TRIM33: variants seen among roughly 807,000 people sequenced by gnomAD.
The protein encoded by TRIM33 is tripartite motif containing 33.
In TRIM33, 20 loss-of-function variants were observed where a neutral mutation model predicts 125.4. The ratio of observed to expected loss-of-function variants is 0.16; its 90% confidence interval spans 0.11 to 0.23. The LOEUF (loss-of-function observed/expected upper bound fraction) is 0.23. Ranked by LOEUF, TRIM33 falls within the 10% of genes least tolerant of loss-of-function variation. The pLI, the probability that TRIM33 is intolerant of heterozygous loss-of-function variation, is 1.00. For missense variants in TRIM33, 920 were observed against 1,411.4 expected, an observed-to-expected ratio of 0.65 and a Z score of 5.58; for synonymous variants, 564 against 513.9, an observed-to-expected ratio of 1.10 and a Z score of -1.32.
chr1:114,420,330 C>T (rs1279123630), intron 11 of TRIM33: 30 of 1,110,268 alleles, frequency 2.7e-5, no homozygotes, highest in Non-Finnish European at 3.5e-5. Context: ...CTTTTCTCAG[C>T]CCAACTGACT....
chr1:114,464,072 A>C (rs1185685195), intron 2 of TRIM33, among the ~76,000 whole-genome samples, 198 bp downstream of exon 2: 1 of 152,120 alleles, frequency 6.6e-6, no homozygotes, highest in Non-Finnish European at 1.5e-5. Flanking sequence ...CCTGGCCCAA[A>C]TTTGACATTT....
chr1:114,450,110 G>A (rs1649222051), intron 4 of TRIM33, among the ~76,000 whole-genome samples: 1 of 152,086 alleles, frequency 6.6e-6, no homozygotes, highest in Admixed American at 6.5e-5. Flanking sequence ...TCTAGATCAA[G>A]GCTGGGCATG....
At chr1:114,497,893 T>C (rs1036321158) in intron 1 of TRIM33, among the ~76,000 whole-genome samples, 14 of 145,974 alleles carry the variant, frequency 9.6e-5, no homozygotes, top group African/African-American at 2.5e-4. Context: ...AAAAAAAAAG[T>C]AAAACAGATA....
At chr1:114,497,081 A>T (rs1041342849) in intron 1 of TRIM33, among the ~76,000 whole-genome samples, 1 of 152,196 alleles carries the variant, frequency 6.6e-6, no homozygotes, top group Non-Finnish European at 1.5e-5. Context: ...ATTTTGGACA[A>T]TTTTTTAAAT....
At chr1:114,484,661 G>T (rs1335166642) in intron 1 of TRIM33, among the ~76,000 whole-genome samples, 2 of 152,246 alleles carry the variant, frequency 1.3e-5, no homozygotes, top group African/African-American at 4.8e-5. Context: ...TCAGGAGTTC[G>T]AAACCAGCCT....
In TRIM33 at chr1:114,402,899, G is replaced by C. The variant is rs937807679; in HGVS notation, c.2769-16C>G. On this transcript the variant is annotated splice_polypyrimidine_tract_variant and intron_variant, in intron 15 of 19. Coordinates refer to ENST00000358465, the MANE Select transcript of TRIM33 (RefSeq NM_015906.4). ...CCAGTCCCCACTAGACAGGGAAATA[G>C]GCAATTAGTCCACGTAATTATAAGA... The C allele has an allele frequency of 1.9e-6, 3 of 1,605,074 alleles. No homozygotes were observed. In the Admixed American group the frequency reaches 5.2e-5, roughly 28 times the overall value.
In TRIM33 at chr1:114,395,066, A is replaced by G. The variant is rs912854196; in HGVS notation, c.*2582T>C. 1 of 191,612 alleles carries G rather than the reference A, an allele frequency of 5.2e-6. No individual in the cohort carries two copies. The highest frequency in any genetic ancestry group is 2.3e-5 in the African/African-American group (1 of 43,148). The allele number at this position is 191,612 out of a possible 1,614,324, so 11.9% of individuals were successfully genotyped here. A position where few individuals can be genotyped will look rare whatever the true frequency, so the allele number is the denominator to read the frequency against. ...AAAACATAAACTAATAGGAAAACATATATCTAAATATCAATTTAAGTTTTT... is the reference window on the plus strand; with the variant it reads ...AAAACATAAACTAATAGGAAAACATGTATCTAAATATCAATTTAAGTTTTT... On this transcript the variant is annotated 3_prime_UTR_variant, in exon 20 of 20. Coordinates refer to ENST00000358465, the MANE Select transcript of TRIM33 (RefSeq NM_015906.4).
chr1:114,437,204 A>C (rs1296485340), intron 4 of TRIM33, among the ~76,000 whole-genome samples: 1 of 152,242 alleles, frequency 6.6e-6, no homozygotes, highest in African/African-American at 2.4e-5. Flanking sequence ...ACCTAGGTAA[A>C]CTGAATTTTC....
At chr1:114,432,904 TATTC>T (rs1431352038) in intron 5 of TRIM33, among the ~76,000 whole-genome samples, 3 of 152,254 alleles carry the variant, frequency 2.0e-5, no homozygotes, top group Non-Finnish European at 2.9e-5. Flanking sequence ...TGAACTTTAA[TATTC>T]ATTAGAAGTC....
At chr1:114,453,137 G>A (rs1258236380) in intron 4 of TRIM33, among the ~76,000 whole-genome samples, 3 of 152,072 alleles carry the variant, frequency 2.0e-5, no homozygotes, top group Admixed American at 1.3e-4. Flanking sequence ...GCCGAGGTGG[G>A]CAGATCACTT....
At chr1:114,401,339 C>G (rs1651875522) in intron 17 of TRIM33, 50 bp downstream of exon 17, 1 of 1,529,068 alleles carries the variant, frequency 6.5e-7, no homozygotes, top group Non-Finnish European at 9.0e-7. Flanking sequence ...AGCCCATACT[C>G]TTAAGTATTA....
chr1:114,434,055 G>A (rs571239869), intron 4 of TRIM33, among the ~76,000 whole-genome samples: 8 of 152,184 alleles, frequency 5.3e-5, no homozygotes, highest in East Asian at 3.9e-4. Flanking sequence ...ATCATAAAGC[G>A]TAACCACATT....
chr1:114,476,195 G>C (rs1471877505), intron 1 of TRIM33, among the ~76,000 whole-genome samples: 1 of 150,478 alleles, frequency 6.6e-6, no homozygotes, highest in Non-Finnish European at 1.5e-5. Context: ...ATTTGATCTT[G>C]TATTCAGCTA....
rs1348671260 is a variant in TRIM33 at position 114,511,174 on chromosome 1, G to C, written c.-98C>G. On this transcript the variant is annotated 5_prime_UTR_variant, in exon 1 of 20. Transcript: ENST00000358465. ...CCCCAGCCGCAGCCGCAGCAAGAGCGGCAGCCGAGAGCTAGCGAGAGAGCG... is the reference window on the plus strand; with the variant it reads ...CCCCAGCCGCAGCCGCAGCAAGAGCCGCAGCCGAGAGCTAGCGAGAGAGCG... 2.5e-5 allele frequency: 26 copies of C among 1,025,748 alleles called. No individual in the cohort carries two copies. The highest frequency in any genetic ancestry group is 2.8e-5 in the Non-Finnish European group (24 of 852,252). 63.5% of individuals were successfully genotyped at this position (1,025,748 alleles called of 1,614,324 possible). A position where few individuals can be genotyped will look rare whatever the true frequency, so the allele number is the denominator to read the frequency against.
intron 1 of TRIM33, among the ~76,000 whole-genome samples, chr1:114,479,377 C>T (rs562994737): frequency 2.0e-5 from 3 of 152,254 alleles, no homozygotes; most frequent in South Asian, 2.1e-4. Flanking sequence ...AGTCAAACTG[C>T]TGAAAACCAG....
intron 1 of TRIM33, among the ~76,000 whole-genome samples, chr1:114,509,147 A>T (rs966878600): frequency 1.3e-5 from 2 of 152,184 alleles, no homozygotes; most frequent in African/African-American, 4.8e-5. Context: ...TTTCTGGATC[A>T]GAAATCTGAT....
At chr1:114,495,866 C>T (rs77999355) in intron 1 of TRIM33, among the ~76,000 whole-genome samples, 3,922 of 152,270 alleles carry the variant, frequency 0.026, 87 homozygotes, top group Non-Finnish European at 0.034. Context: ...CAACAAATAT[C>T]TGGTTTACTG....
At chr1:114,427,093 A>G (rs1647635525) in intron 8 of TRIM33, 84 bp downstream of exon 8, 1 of 648,346 alleles carries the variant, frequency 1.5e-6, no homozygotes, top group Non-Finnish European at 2.7e-6. Flanking sequence ...ATAAAGTTAA[A>G]AATTTTATCT....
chr1:114,443,608 A>G (rs1188900613), intron 4 of TRIM33, among the ~76,000 whole-genome samples: 1 of 152,166 alleles, frequency 6.6e-6, no homozygotes, highest in Non-Finnish European at 1.5e-5. Context: ...ACCATCATAA[A>G]CTATCTTACT....
Sources: gnomAD v4.1 joint callset for allele counts (sites outside exome capture counted in the v4.1 genomes callset) on GRCh38, gnomAD v4.1.1 for gene constraint, MANE v1.5 for transcripts, NCBI Gene and HGNC (gene_info 2026-07-23, HGNC 2026-07-21) for gene names.